Variants in SMG7 observed in about 807,000 individuals in gnomAD.
SMG7 encodes the protein SMG7 nonsense mediated mRNA decay factor, also known as nonsense-mediated mRNA decay factor SMG7.
Under a neutral mutation model 148.2 loss-of-function variants are expected in SMG7, and 34 were observed. The observed-to-expected ratio is 0.23, with a 90% CI of 0.17 to 0.31. SMG7 has a LOEUF of 0.31. Among genes scored for constraint, SMG7 ranks in the 10% least tolerant of loss-of-function variants. SMG7 has a pLI of 1.00. For synonymous variants in SMG7, 492 were observed against 515.1 expected (o/e 0.96, Z 0.61); for missense variants, 1,114 against 1,408.4 (o/e 0.79, Z 3.35).
chr1:183,509,282 T>C (rs1030060773), intron 1 of SMG7, among the ~76,000 whole-genome samples: 6 of 152,234 alleles, frequency 3.9e-5, no homozygotes, highest in African/African-American at 1.4e-4. Flanking sequence ...ATAATCTATT[T>C]CCTTTATGAA....
intron 4 of SMG7, among the ~76,000 whole-genome samples, chr1:183,526,156 A>ATATAT (rs1369384362): frequency 3.1e-5 from 3 of 96,646 alleles, no homozygotes; most frequent in Admixed American, 1.1e-4. Context: ...ATATATATAT[A>ATATAT]TTTTTTTTTT....
intron 4 of SMG7, among the ~76,000 whole-genome samples, chr1:183,521,477 C>G (rs1664755098): frequency 1.3e-5 from 2 of 152,156 alleles, no homozygotes; most frequent in Non-Finnish European, 2.9e-5. Context: ...TTCCACAAAT[C>G]TTTCTTGATT....
chr1:183,513,754 G>T (rs1334077146), intron 2 of SMG7, among the ~76,000 whole-genome samples: 1 of 152,036 alleles, frequency 6.6e-6, no homozygotes, highest in Non-Finnish European at 1.5e-5. Flanking sequence ...ATGAGGCATG[G>T]TGCGGTGGCT....
intron 1 of SMG7, among the ~76,000 whole-genome samples, chr1:183,477,136 T>C (rs1396598822): frequency 2.0e-5 from 3 of 152,178 alleles, no homozygotes; most frequent in Admixed American, 6.5e-5. Context: ...AGAATAATCA[T>C]AGCTATAGGG....
rs1242872455 is a variant in SMG7 at position 183,549,273 on chromosome 1, A to C, written c.2958A>C (p.Gly986=). 6 of 1,612,352 alleles carry C rather than the reference A, an allele frequency of 3.7e-6. No individual in the cohort carries two copies. The African/African-American group carries it at 4.0e-5, about 11-fold the overall frequency. Residue 986 remains glycine (G), a synonymous_variant, in exon 19 of 23, where the codon GGA becomes GGC. Transcript: ENST00000688051. ...CATCCTCTTTCCTGTCCCTCACCGG[A>C]TTCTCTCTCAATCAGGTAGGTGAAC... is the stretch of plus-strand genomic sequence containing the variant. ...SHSSSFLSLT[G]FSLNQERYPN... is the part of the protein sequence containing the mutation.
chr1:183,529,490 A>T lies in SMG7; in HGVS notation c.800A>T (p.Glu267Val). The T allele has an allele frequency of 6.2e-7, 1 of 1,613,250 alleles. No individual in the cohort carries two copies. Among genetic ancestry groups the T allele is most frequent in the Middle Eastern group, 1.7e-4 (1 of 6,054 alleles). The change falls in exon 8 of 23, where the codon GAA becomes GTA. Residue 267 changes from glutamate (E) to valine (V), a missense_variant. Physicochemically the swap from Glu to Val is moderately radical, Grantham distance 121. Around this residue, in one of 4 missense-constraint regions of SMG7, gnomAD observed 216 missense variants for 329.1 expected, o/e 0.66. Coordinates refer to ENST00000688051, the MANE Select transcript of SMG7 (RefSeq NM_001375584.1). ...CATGTGTACCTGAGTAAGAGCTTGG[A>T]AAAGTTGAGCCCTCTTCGAGAGAAA... ...HGHVYLSKSL[E>V]KLSPLREKLE...
intron 1 of SMG7, among the ~76,000 whole-genome samples, chr1:183,487,134 T>C (rs1444978811): frequency 6.6e-6 from 1 of 152,188 alleles, no homozygotes; most frequent in South Asian, 2.1e-4. Context: ...ACAACAGTTC[T>C]GGAGGTCAGA....
chr1:183,510,704 A>T (rs1439449980), intron 1 of SMG7, among the ~76,000 whole-genome samples: 1 of 152,118 alleles, frequency 6.6e-6, no homozygotes, highest in Non-Finnish European at 1.5e-5. Flanking sequence ...GTGCAAAAGT[A>T]ATCATGGTTT....
In SMG7 at chr1:183,546,250, A is replaced by C. The variant is rs769496700; in HGVS notation, c.2655A>C (p.Ala885=). 2.5e-6 allele frequency: 4 copies of C among 1,614,060 alleles called. No homozygotes were observed. The South Asian group carries it at 3.3e-5, about 13-fold the overall frequency. The change falls in exon 17 of 23, where the codon GCA becomes GCC. Residue 885 remains alanine, a synonymous_variant. Coordinates refer to ENST00000688051, the MANE Select transcript of SMG7 (RefSeq NM_001375584.1). ...YSMADNRSVM[A]QQANIDRRGK... is the part of the protein sequence containing the mutation. ...TGGCTGATAACAGATCTGTAATGGC[A>C]CAGCAAGCAAACATAGACCGCAGGG... is the stretch of plus-strand genomic sequence containing the variant.
At chr1:183,531,076 A>G (rs1027638445) in intron 8 of SMG7, among the ~76,000 whole-genome samples, 1 of 152,168 alleles carries the variant, frequency 6.6e-6, no homozygotes, top group Non-Finnish European at 1.5e-5. Flanking sequence ...AAAACATAGT[A>G]TGAGGCAGAT....
chr1:183,487,731 A>G (rs1655842952), intron 1 of SMG7, among the ~76,000 whole-genome samples: 1 of 152,188 alleles, frequency 6.6e-6, no homozygotes. Flanking sequence ...ATTAGTTCAC[A>G]CTTAAATGTG....
chr1:183,501,298 TA>T (rs1475118246), intron 1 of SMG7: 1 of 152,156 alleles, frequency 6.6e-6, no homozygotes, highest in African/African-American at 2.4e-5. Context: ...ATCTTATTTC[TA>T]ACAAAACTGG....
chr1:183,551,717 T>TG, intron 22 of SMG7, 101 bp from the exon 23 acceptor site: 1 of 804,858 alleles, frequency 1.2e-6, no homozygotes, highest in East Asian at 3.1e-5. Flanking sequence ...GGTTGGGTTT[T>TG]GGGGCCATAT....
At chr1:183,544,097 G>T (rs1008631150) in intron 14 of SMG7, among the ~76,000 whole-genome samples, 1 of 152,006 alleles carries the variant, frequency 6.6e-6, no homozygotes, top group South Asian at 2.1e-4. Context: ...GGGCTCTAAG[G>T]TCCTTTACAT....
At position 183,480,779 on chromosome 1, in the gene SMG7, A is replaced by G. The variant is rs149473196; in HGVS notation, c.29+8130A>G. On this transcript the variant is annotated intron_variant, in intron 1 of 22. Transcript: ENST00000688051. ...TTTCATGATTCTAATTACATTGCCCATTCTTTTGAAAAATTCTTCCTACTG... is the reference window on the plus strand; with the variant it reads ...TTTCATGATTCTAATTACATTGCCCGTTCTTTTGAAAAATTCTTCCTACTG... Among the ~76,000 whole-genome samples the G allele has an allele frequency of 1.8e-3, 269 of 152,248 alleles. 2 individuals are homozygous for G. The highest frequency in any genetic ancestry group is 5.9e-3 in the African/African-American group (247 of 41,550).
At chr1:183,512,381 A>G (rs1044228471) in intron 1 of SMG7, among the ~76,000 whole-genome samples, 2 of 152,202 alleles carry the variant, frequency 1.3e-5, no homozygotes, top group Admixed American at 1.3e-4. Context: ...TCCCTGAGGT[A>G]TGGAACTGTC....
intron 1 of SMG7, among the ~76,000 whole-genome samples, chr1:183,495,301 A>G (rs942893301): frequency 1.3e-5 from 2 of 152,268 alleles, no homozygotes; most frequent in East Asian, 1.9e-4. Flanking sequence ...GGATCCTGCA[A>G]TTGCCATTGA....
Position 183,533,090 on chromosome 1 carries a change from C to T in SMG7, c.844-74C>T, listed in dbSNP as rs1572028851. On this transcript the variant is annotated intron_variant, in intron 8 of 22. Transcript: ENST00000688051. ...ACATGGTGGTTCTAAATGCAGACTACCAGTTTAATTTCTTGTGTCAAAGAT... is the reference window on the plus strand; with the variant it reads ...ACATGGTGGTTCTAAATGCAGACTATCAGTTTAATTTCTTGTGTCAAAGAT... The T allele has an allele frequency of 3.9e-6, 5 of 1,265,854 alleles. No individual in the cohort carries two copies. In the East Asian group the frequency reaches 7.0e-5, roughly 18 times the overall value. The allele number at this position is 1,265,854 out of a possible 1,614,324, so 78.4% of individuals were successfully genotyped here. A position where few individuals can be genotyped will look rare whatever the true frequency, so the allele number is the denominator to read the frequency against.
At chr1:183,484,416 C>T (rs1431090430) in intron 1 of SMG7, among the ~76,000 whole-genome samples, 2 of 150,086 alleles carry the variant, frequency 1.3e-5, no homozygotes, top group African/African-American at 2.5e-5. Flanking sequence ...AGGAACTCAC[C>T]GATAGAGGGC....
Sources: gnomAD v4.1 joint callset for allele counts (sites outside exome capture counted in the v4.1 genomes callset) on GRCh38, gnomAD v4.1.1 for gene constraint, gnomAD v4.1.1 regional missense constraint, MANE v1.5 for transcripts, NCBI Gene and HGNC (gene_info 2026-07-23, HGNC 2026-07-21) for gene names.